Variants in PTPRD observed in about 807,000 individuals in gnomAD.
The protein encoded by PTPRD is protein tyrosine phosphatase receptor type D.
PTPRD carries 34 observed loss-of-function variants against 214.5 expected under a neutral mutation model. The ratio of observed to expected loss-of-function variants is 0.16; its 90% confidence interval spans 0.12 to 0.21. The LOEUF (loss-of-function observed/expected upper bound fraction) is 0.21. PTPRD is among the 10% of genes least tolerant of loss of function. The probability of loss-of-function intolerance (pLI) is 1.00; values close to 1 mark genes in which losing one functional copy is unlikely to be tolerated. For missense variants in PTPRD, 2,545 were observed against 2,398.7 expected, an observed-to-expected ratio of 1.06 and a Z score of -1.27; for synonymous variants, 1,128 against 845.7, an observed-to-expected ratio of 1.33 and a Z score of -5.79.
rs1328138755 is a variant in PTPRD, at chr9:8,425,241, C to T, written c.4086+11351G>A. On this transcript the variant is annotated intron_variant, in intron 35 of 45. Coordinates refer to ENST00000381196, the MANE Select transcript of PTPRD (RefSeq NM_002839.4). ...CTTGCAGCATTGTTAAAATTTTCCC[C>T]GAAAGCTGTTCCCAGCAGTGACATA... is the stretch of plus-strand genomic sequence containing the variant. Among the ~76,000 whole-genome samples the T allele has an allele frequency of 7.9e-5, 12 of 152,268 alleles. No individual in the cohort carries two copies. In the Middle Eastern group the frequency reaches 0.02, roughly 259 times the overall value.
intron 5 of PTPRD, among the ~76,000 whole-genome samples, chr9:9,894,110 C>G (rs2074244348): frequency 6.6e-6 from 1 of 152,012 alleles, no homozygotes; most frequent in African/African-American, 2.4e-5. Context: ...TGAGTCACCA[C>G]TCCCAACCCT....
intron 12 of PTPRD, among the ~76,000 whole-genome samples, chr9:8,660,203 T>C (rs1211565749): frequency 6.6e-6 from 1 of 152,224 alleles, no homozygotes; most frequent in Non-Finnish European, 1.5e-5. Flanking sequence ...CATGCTCTTG[T>C]CTTACACAGG....
intron 8 of PTPRD, among the ~76,000 whole-genome samples, chr9:9,434,749 A>G (rs1480007619): frequency 1.3e-5 from 2 of 151,760 alleles, no homozygotes; most frequent in African/African-American, 4.8e-5. Flanking sequence ...AATATGTACA[A>G]TTACAATGTG....
chr9:9,149,255 T>G (rs1323243626), intron 10 of PTPRD, among the ~76,000 whole-genome samples: 2 of 152,212 alleles, frequency 1.3e-5, no homozygotes, highest in Non-Finnish European at 1.5e-5. Flanking sequence ...ATAATCCACA[T>G]AAGGCTTGTA....
rs191836557 is a variant in PTPRD, at chr9:9,771,228, A to C, written c.-367-4377T>G. Among the ~76,000 whole-genome samples, 10 of 152,284 alleles carry C rather than the reference A, an allele frequency of 6.6e-5. No homozygotes were observed. The East Asian group carries it at 1.9e-3, about 29-fold the overall frequency. On this transcript the variant is annotated intron_variant, in intron 5 of 45. Coordinates refer to ENST00000381196, the MANE Select transcript of PTPRD (RefSeq NM_002839.4). ...TAATATATCTATATAATTTCCAGAG[A>C]TACACATAGAGTCAATGTTTTATAT...
chr9:10,561,362 G>C (rs1010639772), intron 2 of PTPRD, among the ~76,000 whole-genome samples: 3 of 152,148 alleles, frequency 2.0e-5, no homozygotes, highest in Admixed American at 2.0e-4. Flanking sequence ...ACATGGAGTA[G>C]TCTCAGATTC....
At chr9:10,282,453 T>G (rs1439309521) in intron 3 of PTPRD, among the ~76,000 whole-genome samples, 1 of 152,174 alleles carries the variant, frequency 6.6e-6, no homozygotes, top group African/African-American at 2.4e-5. Context: ...ATCTATAAAA[T>G]GTCGAGGTTG....
chr9:8,740,858 C>T (rs2091743460), intron 11 of PTPRD, among the ~76,000 whole-genome samples: 2 of 152,098 alleles, frequency 1.3e-5, no homozygotes, highest in Admixed American at 6.6e-5. Flanking sequence ...CCCCAGGGGA[C>T]TATAAGCACA....
intron 3 of PTPRD, among the ~76,000 whole-genome samples, chr9:10,071,258 A>G (rs2098007949): frequency 6.6e-6 from 1 of 152,050 alleles, no homozygotes; most frequent in Admixed American, 6.6e-5. Context: ...GTATATATGG[A>G]TAACCTGATT....
intron 7 of PTPRD, among the ~76,000 whole-genome samples, chr9:9,653,485 A>G (rs2096428677): frequency 1.3e-5 from 2 of 152,080 alleles, no homozygotes; most frequent in South Asian, 2.1e-4. Context: ...TCAAAATGCA[A>G]AAGAAAAAAC....
intron 5 of PTPRD, among the ~76,000 whole-genome samples, chr9:9,791,925 AT>A (rs905036141): frequency 2.6e-5 from 4 of 151,586 alleles, no homozygotes; most frequent in East Asian, 1.9e-4. Flanking sequence ...TGTACCTTGA[AT>A]TTTTTTTTAT....
intron 10 of PTPRD, among the ~76,000 whole-genome samples, chr9:9,137,322 C>G (rs997482299): frequency 1.3e-5 from 2 of 152,060 alleles, no homozygotes; most frequent in African/African-American, 4.8e-5. Context: ...ACAATTTTGC[C>G]TTAATGTATC....
intron 2 of PTPRD, among the ~76,000 whole-genome samples, chr9:10,423,277 G>A (rs112420893): frequency 6.5e-4 from 99 of 152,064 alleles, no homozygotes; most frequent in African/African-American, 2.3e-3. Context: ...GACACAGGGT[G>A]GGGAACATCA....
chr9:9,020,501 T>A (rs373063837), intron 10 of PTPRD, among the ~76,000 whole-genome samples: 1 of 152,134 alleles, frequency 6.6e-6, no homozygotes, highest in Admixed American at 6.6e-5. Context: ...GGTTGAGGCA[T>A]TGAATGTGAA....
chr9:10,122,929 CG>C (rs2098788113), intron 3 of PTPRD, among the ~76,000 whole-genome samples: 1 of 152,174 alleles, frequency 6.6e-6, no homozygotes, highest in African/African-American at 2.4e-5. Flanking sequence ...AAAAAGATTG[CG>C]GCAGATATAA....
chr9:9,492,450 T>C (rs1401731982), intron 8 of PTPRD, among the ~76,000 whole-genome samples: 7 of 152,084 alleles, frequency 4.6e-5, no homozygotes, highest in Non-Finnish European at 8.8e-5. Context: ...CAGGATTATG[T>C]ACCACGACCA....
chr9:9,102,113 C>T (rs762005908), intron 10 of PTPRD, among the ~76,000 whole-genome samples: 3 of 152,032 alleles, frequency 2.0e-5, no homozygotes, highest in Admixed American at 6.6e-5. Context: ...ATATTGGCTT[C>T]GTCTTTTATG....
chr9:8,959,916 A>G (rs971671340), intron 11 of PTPRD, among the ~76,000 whole-genome samples: 29 of 152,100 alleles, frequency 1.9e-4, no homozygotes, highest in Admixed American at 1.8e-3. Flanking sequence ...AACAGTATTC[A>G]TCGAGTACCT....
At chr9:8,855,479 G>T (rs1601979669) in intron 11 of PTPRD, among the ~76,000 whole-genome samples, 1 of 152,144 alleles carries the variant, frequency 6.6e-6, no homozygotes, top group Non-Finnish European at 1.5e-5. Context: ...ACAATAAAAT[G>T]TTTAATTCAT....
Sources: gnomAD v4.1 joint callset for allele counts (sites outside exome capture counted in the v4.1 genomes callset) on GRCh38, gnomAD v4.1.1 for gene constraint, MANE v1.5 for transcripts, NCBI Gene and HGNC (gene_info 2026-07-23, HGNC 2026-07-21) for gene names.